The following MAGI2 variants were observed in gnomAD, a reference collection of about 807,000 sequenced individuals.
MAGI2 encodes the protein membrane-associated guanylate kinase, WW and PDZ domain-containing protein 2.
MAGI2 carries 35 observed loss-of-function variants against 133.3 expected under a neutral mutation model. The observed-to-expected ratio is 0.26, with a 90% CI of 0.20 to 0.35. The LOEUF is 0.35. Among genes scored for constraint, MAGI2 ranks in the 10% least tolerant of loss-of-function variants. The pLI, the probability that MAGI2 is intolerant of heterozygous loss-of-function variation, is 1.00. For missense variants in MAGI2, 1,636 were observed against 1,863.4 expected (o/e 0.88, Z 2.25); for synonymous variants, 729 against 710.6 (o/e 1.03, Z -0.41).
intron 1 of MAGI2, among the ~76,000 whole-genome samples, chr7:79,134,235 G>A (rs1371901035): frequency 6.6e-6 from 1 of 152,144 alleles, no homozygotes; most frequent in Non-Finnish European, 1.5e-5. Context: ...TGAAGATATA[G>A]TGGAATACTC....
chr7:78,737,512 G>T (rs1489486500), intron 2 of MAGI2, among the ~76,000 whole-genome samples: 1 of 152,052 alleles, frequency 6.6e-6, no homozygotes, highest in Non-Finnish European at 1.5e-5. Flanking sequence ...ACTTAAAAAG[G>T]TATTAAAATA....
At chr7:79,353,489 G>C in intron 1 of MAGI2, 1 of 455,930 alleles carries the variant, frequency 2.2e-6, no homozygotes, top group Non-Finnish European at 4.4e-6. Flanking sequence ...GCCCTGGTGT[G>C]TGCCCTTTGC....
intron 20 of MAGI2, among the ~76,000 whole-genome samples, chr7:78,102,852 G>A (rs922308662): frequency 1.3e-5 from 2 of 152,174 alleles, no homozygotes; most frequent in Non-Finnish European, 2.9e-5. Flanking sequence ...ACAGGGTTGC[G>A]GGTGTGAGGT....
chr7:78,918,604 G>T (rs1314678251), intron 2 of MAGI2, among the ~76,000 whole-genome samples: 1 of 152,046 alleles, frequency 6.6e-6, no homozygotes, highest in Admixed American at 6.6e-5. Context: ...GAGAACCAAG[G>T]ACCAATATTT....
intron 1 of MAGI2, among the ~76,000 whole-genome samples, chr7:79,161,292 GC>G (rs1824327729): frequency 6.6e-6 from 1 of 151,948 alleles, no homozygotes; most frequent in Non-Finnish European, 1.5e-5. Flanking sequence ...AATTGCCTGA[GC>G]CCACAAAGTA....
At chr7:78,739,941 G>A (rs1187569250) in intron 2 of MAGI2, among the ~76,000 whole-genome samples, 1 of 152,030 alleles carries the variant, frequency 6.6e-6, no homozygotes, top group African/African-American at 2.4e-5. Flanking sequence ...GGCGGATCAC[G>A]ACGTCAGGAG....
chr7:78,573,652 T>A (rs1441839670), intron 3 of MAGI2, among the ~76,000 whole-genome samples: 2 of 151,416 alleles, frequency 1.3e-5, no homozygotes, highest in Admixed American at 1.3e-4. Context: ...TGAGACTTCA[T>A]CCAGTATTTG....
chr7:79,150,580 G>A (rs1018162954), intron 1 of MAGI2, among the ~76,000 whole-genome samples: 26 of 152,030 alleles, frequency 1.7e-4, no homozygotes, highest in African/African-American at 5.6e-4. Context: ...TAAATAATGT[G>A]TTCTAAAAGT....
intron 10 of MAGI2, among the ~76,000 whole-genome samples, chr7:78,207,376 G>A (rs113267008): frequency 6.6e-6 from 1 of 151,946 alleles, no homozygotes; most frequent in Non-Finnish European, 1.5e-5. Flanking sequence ...AAAGCCCCAG[G>A]GCTTTTATAA....
intron 6 of MAGI2, among the ~76,000 whole-genome samples, chr7:78,448,566 C>A (rs1788392131): frequency 6.6e-6 from 1 of 152,034 alleles, no homozygotes; most frequent in Non-Finnish European, 1.5e-5. Flanking sequence ...ATTATTCCAG[C>A]CCACATTCAA....
At chr7:78,283,035 A>T (rs1169150187) in intron 9 of MAGI2, among the ~76,000 whole-genome samples, 1 of 151,984 alleles carries the variant, frequency 6.6e-6, no homozygotes, top group Non-Finnish European at 1.5e-5. Context: ...TATTGCTTTT[A>T]TTATTATTTT....
intron 1 of MAGI2, among the ~76,000 whole-genome samples, chr7:79,359,041 T>C (rs1171387533): frequency 6.6e-6 from 1 of 152,154 alleles, no homozygotes; most frequent in Non-Finnish European, 1.5e-5. Flanking sequence ...GTTAATTAGT[T>C]CTTCAAATTA....
intron 1 of MAGI2, among the ~76,000 whole-genome samples, chr7:79,145,289 A>T (rs886975865): frequency 2.6e-5 from 4 of 152,178 alleles, no homozygotes; most frequent in Non-Finnish European, 5.9e-5. Context: ...ACTTTATTTT[A>T]TAAAAATCTT....
At chr7:78,230,998 AG>A (rs1289795654) in intron 10 of MAGI2, among the ~76,000 whole-genome samples, 1 of 152,198 alleles carries the variant, frequency 6.6e-6, no homozygotes, top group Non-Finnish European at 1.5e-5. Context: ...CCACTAAATT[AG>A]GGGATTCTGT....
chr7:79,244,548 A>T (rs111428427), intron 1 of MAGI2, among the ~76,000 whole-genome samples: 11,177 of 152,250 alleles, frequency 0.073, 547 homozygotes, highest in Non-Finnish European at 0.11. Flanking sequence ...ATGCCCATAG[A>T]GGGAGCATTT....
intron 2 of MAGI2, among the ~76,000 whole-genome samples, chr7:78,640,752 T>C (rs1431317134): frequency 1.3e-5 from 2 of 152,208 alleles, no homozygotes; most frequent in Non-Finnish European, 2.9e-5. Flanking sequence ...GTATTAAGTA[T>C]CACTGCCTAA....
At chr7:78,208,331 T>A (rs1347411273) in intron 10 of MAGI2, among the ~76,000 whole-genome samples, 3 of 152,162 alleles carry the variant, frequency 2.0e-5, no homozygotes, top group Non-Finnish European at 4.4e-5. Context: ...TCCCAATGAC[T>A]ATCAAAAGGA....
intron 6 of MAGI2, among the ~76,000 whole-genome samples, chr7:78,479,003 T>C (rs1254370679): frequency 6.6e-6 from 1 of 151,902 alleles, no homozygotes; most frequent in African/African-American, 2.4e-5. Context: ...GTGGCATCAG[T>C]AGATCCCAGA....
rs1491533621 is a variant in MAGI2, at chr7:78,511,551, A to AAT, written c.755-9765_755-9764insAT. 4.0e-3 allele frequency among the ~76,000 whole-genome samples: 510 copies of AAT among 127,872 alleles called. 2 individuals are homozygous for AAT. Among genetic ancestry groups the AAT allele is most frequent in the African/African-American group, 0.011 (352 of 32,406 alleles). 83.9% of individuals were successfully genotyped at this position (127,872 alleles called of 152,430 possible). A position where few individuals can be genotyped will look rare whatever the true frequency, so the allele number is the denominator to read the frequency against. ...CCATCTTTTATATATATATATATAAATTTTTTTTTTTTTTTTTTTGACACA... is the reference window on the plus strand; with the variant it reads ...CCATCTTTTATATATATATATATAAAATTTTTTTTTTTTTTTTTTTTGACACA... On this transcript the variant is annotated intron_variant, in intron 4 of 21. Transcript: ENST00000354212.
Sources: allele counts gnomAD v4.1 joint callset (sites outside exome capture counted in the v4.1 genomes callset), GRCh38; gene constraint gnomAD v4.1.1; transcripts MANE v1.5; gene names NCBI Gene and HGNC (gene_info 2026-07-23, HGNC 2026-07-21).